The following RBFOX1 variants were observed in gnomAD, a reference collection of about 807,000 sequenced individuals.
RBFOX1 encodes RNA binding protein fox-1 homolog 1.
A neutral mutation model predicts 57.7 loss-of-function variants in RBFOX1; 8 were observed. The ratio of observed to expected loss-of-function variants is 0.14; its 90% CI spans 0.08 to 0.25. The LOEUF is 0.25. RBFOX1 is among the 10% of genes least tolerant of loss of function. RBFOX1 has a pLI of 1.00. For synonymous variants in RBFOX1, 326 were observed against 222.4 expected (o/e 1.47, Z -4.15); for missense variants, 611 against 548.5 (o/e 1.11, Z -1.14).
chr16:5,526,381 C>T (rs1052682102), intron 2 of RBFOX1, among the ~76,000 whole-genome samples: 8 of 152,106 alleles, frequency 5.3e-5, no homozygotes, highest in African/African-American at 7.2e-5. Flanking sequence ...CCCTGCCTCC[C>T]GGGGTCAAGT....
At chr16:7,542,444 G>C (rs961723407) in intron 5 of RBFOX1, among the ~76,000 whole-genome samples, 3 of 152,106 alleles carry the variant, frequency 2.0e-5, no homozygotes, top group African/African-American at 7.2e-5. Context: ...TGCAAGTGCA[G>C]AGGAAGGAGA....
At chr16:7,253,156 T>G (rs962580274) in intron 4 of RBFOX1, among the ~76,000 whole-genome samples, 1 of 152,154 alleles carries the variant, frequency 6.6e-6, no homozygotes, top group Non-Finnish European at 1.5e-5. Flanking sequence ...CTGGATAAAA[T>G]CTCTTCTCCA....
At chr16:6,904,328 G>GCATTGCACAA in intron 3 of RBFOX1, among the ~76,000 whole-genome samples, 1 of 151,824 alleles carries the variant, frequency 6.6e-6, no homozygotes, top group Admixed American at 6.5e-5. Context: ...AGGCCAGGTG[G>GCATTGCACAA]GCTGGCTCAT....
intron 4 of RBFOX1, among the ~76,000 whole-genome samples, chr16:6,004,992 T>TA (rs2060667722): frequency 6.7e-6 from 1 of 148,168 alleles, no homozygotes; most frequent in Non-Finnish European, 1.5e-5. Flanking sequence ...GTTTTGTTGC[T>TA]AAAAAACAAA....
At chr16:5,630,338 T>C (rs1214767366) in intron 3 of RBFOX1, among the ~76,000 whole-genome samples, 1 of 152,016 alleles carries the variant, frequency 6.6e-6, no homozygotes, top group Non-Finnish European at 1.5e-5. Flanking sequence ...ATGTCTGTAA[T>C]CCCAGCTACT....
chr16:6,507,898 A>G lies in RBFOX1; in HGVS notation c.-63-146705A>G, dbSNP rs148511349. On this transcript the variant is annotated intron_variant, in intron 2 of 15. Coordinates refer to ENST00000550418, the MANE Select transcript of RBFOX1 (RefSeq NM_018723.4). ...GCAAGATAAAGAGTTCTACAGATGT[A>G]TTGTACAAAATACACTTACGTTCAT... Among the ~76,000 whole-genome samples the G allele has an allele frequency of 5.9e-3, 900 of 152,288 alleles. 2 individuals carry two copies. Among genetic ancestry groups the G allele is most frequent in the Middle Eastern group, 0.048 (14 of 294 alleles).
At chr16:6,330,615 C>G (rs2082903356) in intron 2 of RBFOX1, among the ~76,000 whole-genome samples, 1 of 152,212 alleles carries the variant, frequency 6.6e-6, no homozygotes, top group African/African-American at 2.4e-5. Context: ...CTCTTCTATG[C>G]TAGGCATGTG....
intron 1 of RBFOX1, among the ~76,000 whole-genome samples, chr16:5,308,241 C>T (rs1056379721): frequency 1.3e-5 from 2 of 151,710 alleles, no homozygotes; most frequent in Non-Finnish European, 2.9e-5. Context: ...CTCAGGAGAT[C>T]GCTTGAACCT....
At chr16:6,432,677 G>A (rs1211508075) in intron 2 of RBFOX1, among the ~76,000 whole-genome samples, 4 of 151,704 alleles carry the variant, frequency 2.6e-5, no homozygotes, top group African/African-American at 7.3e-5. Context: ...TTGAGACCCT[G>A]TCTCAAGAAA....
intron 2 of RBFOX1, among the ~76,000 whole-genome samples, chr16:6,327,777 C>G (rs777061362): frequency 1.3e-5 from 2 of 152,114 alleles, no homozygotes; most frequent in African/African-American, 4.8e-5. Context: ...AAGCCAGGAG[C>G]CTCTCTTCTT....
intron 4 of RBFOX1, chr16:7,126,285 T>G: frequency 3.2e-6 from 1 of 316,984 alleles, no homozygotes; most frequent in Non-Finnish European, 6.1e-6. Flanking sequence ...CTTGAAGGAC[T>G]CAGCTCCTTA....
intron 2 of RBFOX1, among the ~76,000 whole-genome samples, chr16:6,533,440 C>T (rs1013052397): frequency 6.6e-6 from 1 of 152,070 alleles, no homozygotes; most frequent in Non-Finnish European, 1.5e-5. Context: ...CACGTGGCAC[C>T]ACCAGCATCC....
intron 4 of RBFOX1, among the ~76,000 whole-genome samples, chr16:5,930,638 A>T (rs1292857337): frequency 1.1e-5 from 1 of 91,436 alleles, no homozygotes; most frequent in Non-Finnish European, 2.0e-5. Flanking sequence ...GGCTGGATGC[A>T]TGGTTGGGTA....
intron 4 of RBFOX1, among the ~76,000 whole-genome samples, chr16:7,112,679 G>GTGT (rs369771164): frequency 0.028 from 4,002 of 141,880 alleles, 132 homozygotes; most frequent in African/African-American, 0.065. Context: ...TGTGTGTGTG[G>GTGT]GTGTGGGTGT....
At chr16:6,815,655 G>A (rs961165523) in intron 3 of RBFOX1, among the ~76,000 whole-genome samples, 5 of 152,042 alleles carry the variant, frequency 3.3e-5, no homozygotes, top group Non-Finnish European at 5.9e-5. Flanking sequence ...ACCTACTTAC[G>A]CCTTACCAGG....
chr16:7,512,131 G>A (rs1375374717), intron 4 of RBFOX1, among the ~76,000 whole-genome samples: 3 of 152,272 alleles, frequency 2.0e-5, no homozygotes, highest in African/African-American at 7.2e-5. Context: ...TGGCATTGGA[G>A]TAGAAGAAAG....
intron 3 of RBFOX1, among the ~76,000 whole-genome samples, chr16:6,732,620 G>A (rs1035993479): frequency 2.6e-5 from 4 of 152,224 alleles, no homozygotes; most frequent in African/African-American, 9.6e-5. Context: ...GACCCTCTGT[G>A]TTAATGTAAG....
At chr16:5,671,143 C>T (rs1056813000) in intron 3 of RBFOX1, among the ~76,000 whole-genome samples, 2 of 152,200 alleles carry the variant, frequency 1.3e-5, no homozygotes, top group African/African-American at 2.4e-5. Context: ...CTGTGGATTC[C>T]CTATTTATAG....
chr16:6,268,150 C>T (rs1209488699), intron 1 of RBFOX1, among the ~76,000 whole-genome samples: 3 of 152,178 alleles, frequency 2.0e-5, no homozygotes, highest in Non-Finnish European at 4.4e-5. Context: ...CATGTTCTTC[C>T]AGCTACCTTT....
Sources: allele counts gnomAD v4.1 joint callset (sites outside exome capture counted in the v4.1 genomes callset), GRCh38; gene constraint gnomAD v4.1.1; transcripts MANE v1.5; gene names NCBI Gene and HGNC (gene_info 2026-07-23, HGNC 2026-07-21).